Variants in SLC2A13 observed in about 807,000 individuals in gnomAD.
The protein encoded by SLC2A13 is proton myo-inositol cotransporter.
In SLC2A13, 32 loss-of-function variants were observed where a neutral mutation model predicts 64.4. That is an observed-to-expected ratio of 0.50 (90% confidence interval 0.37 to 0.67). SLC2A13 has a LOEUF of 0.67. Ranked by LOEUF, SLC2A13 falls within the 30% of genes least tolerant of loss-of-function variation. The probability of loss-of-function intolerance (pLI) is 0.00; values close to 1 mark genes in which losing one functional copy is unlikely to be tolerated. For missense variants in SLC2A13, 743 were observed against 829.2 expected (o/e 0.90, Z 1.28); for synonymous variants, 338 against 327.1 (o/e 1.03, Z -0.36).
chr12:40,101,586 A>C (rs747374236), intron 1 of SLC2A13, among the ~76,000 whole-genome samples: 1 of 152,218 alleles, frequency 6.6e-6, no homozygotes, highest in Non-Finnish European at 1.5e-5. Context: ...CTCACATCTC[A>C]GATTCAAGAG....
rs182996786 is a variant in SLC2A13, at chr12:39,761,088, T to C, written c.1721-836A>G. ...TTTAGGCTTTCAGTCCAGACCATCA[T>C]GTGTATGAGATGGGGGAAGTAAGAT... On this transcript the variant is annotated intron_variant, in intron 9 of 9. Transcript: ENST00000280871. Among the ~76,000 whole-genome samples, 3 of 152,092 alleles carry C rather than the reference T, an allele frequency of 2.0e-5. No individual in the cohort carries two copies. The East Asian group carries it at 5.8e-4, about 30-fold the overall frequency.
chr12:39,955,700 C>T (rs1472672139), intron 3 of SLC2A13, among the ~76,000 whole-genome samples: 1 of 151,914 alleles, frequency 6.6e-6, no homozygotes, highest in Non-Finnish European at 1.5e-5. Context: ...CTAGATCATC[C>T]AGGTTTTCCC....
intron 4 of SLC2A13, among the ~76,000 whole-genome samples, chr12:39,895,514 TTATA>T (rs777418112): frequency 0.045 from 2,527 of 56,420 alleles, 118 homozygotes; most frequent in Middle Eastern, 0.054. Flanking sequence ...AAAAAAAAAA[TTATA>T]TATATATATA....
chr12:40,105,725 C>T lies in SLC2A13; in HGVS notation c.84G>A (p.Pro28=), dbSNP rs1939289636. 2.0e-6 allele frequency: 3 copies of T among 1,481,902 alleles called. No homozygotes were observed. The highest frequency in any genetic ancestry group is 2.7e-6 in the Non-Finnish European group (3 of 1,116,684). 91.8% of individuals were successfully genotyped at this position (1,481,902 alleles called of 1,614,324 possible). Residue 28 remains proline, a synonymous_variant, in exon 1 of 10, where the codon CCG becomes CCA. Coordinates refer to ENST00000280871, the MANE Select transcript of SLC2A13 (RefSeq NM_052885.4). This position sits in a 1 kb window ranked among gnomAD's most constrained non-coding sequence, Gnocchi z 4.2. The part of the protein sequence containing the change: ...SLMGERRRKQ[P]EPDAASAAGE... ...CGGCCGCGCTCGCCGCGTCCGGCTC[C>T]GGCTGCTTCCTGCGCCGCTCGCCCA... is the stretch of plus-strand genomic sequence containing the variant.
chr12:39,834,670 G>A (rs749424100), intron 6 of SLC2A13, among the ~76,000 whole-genome samples: 66 of 152,002 alleles, frequency 4.3e-4, no homozygotes, highest in Non-Finnish European at 8.8e-4. Context: ...GGGGCTCGGT[G>A]TGGGAACTGT....
rs184385268 is a variant in SLC2A13, at chr12:40,028,170, A to C, written c.925+131T>G. Reference sequence around the variant, plus strand: ...TTTTATATATGGATATTTTTGTATAAATATAAATATCCATATTTATACATA... The same window carrying C: ...TTTTATATATGGATATTTTTGTATACATATAAATATCCATATTTATACATA... On this transcript the variant is annotated intron_variant, in intron 3 of 9. Transcript: ENST00000280871. 529 of 429,334 alleles carry C rather than the reference A, an allele frequency of 1.2e-3. 1 individual carries two copies. The highest frequency in any genetic ancestry group is 1.3e-3 in the South Asian group (13 of 10,042). The allele number at this position is 429,334 out of a possible 1,614,324, so 26.6% of individuals were successfully genotyped here. A position where few individuals can be genotyped will look rare whatever the true frequency, so the allele number is the denominator to read the frequency against.
intron 6 of SLC2A13, among the ~76,000 whole-genome samples, chr12:39,843,220 C>T (rs573360291): frequency 6.6e-6 from 1 of 152,106 alleles, no homozygotes; most frequent in South Asian, 2.1e-4. Context: ...TTTGTGCACA[C>T]TTTTTCGTAC....
intron 3 of SLC2A13, among the ~76,000 whole-genome samples, chr12:39,953,857 AGGT>A (rs1946273660): frequency 6.6e-6 from 1 of 152,202 alleles, no homozygotes; most frequent in Admixed American, 6.5e-5. Context: ...AAGGTTGTCC[AGGT>A]GGCAGAGGCT....
At chr12:39,909,905 C>A (rs572286834) in intron 4 of SLC2A13, among the ~76,000 whole-genome samples, 30 of 150,868 alleles carry the variant, frequency 2.0e-4, no homozygotes, top group Non-Finnish European at 2.8e-4. Context: ...GTGTGCCTCC[C>A]TGGATACACA....
chr12:40,037,122 A>G (rs1278718030), intron 2 of SLC2A13, among the ~76,000 whole-genome samples: 1 of 152,112 alleles, frequency 6.6e-6, no homozygotes, highest in Non-Finnish European at 1.5e-5. Context: ...TGCTTGGTTC[A>G]GTTTTATTAA....
intron 5 of SLC2A13, 120 bp from the exon 6 acceptor site, chr12:39,865,002 A>T (rs1943869542): frequency 2.3e-6 from 2 of 874,630 alleles, no homozygotes; most frequent in African/African-American, 1.7e-5. Flanking sequence ...AAAAAAAAAT[A>T]CCGTGCTCTA....
At chr12:39,766,431 T>G (rs1940351764) in intron 7 of SLC2A13, among the ~76,000 whole-genome samples, 1 of 152,100 alleles carries the variant, frequency 6.6e-6, no homozygotes, top group African/African-American at 2.4e-5. Flanking sequence ...AACGATCATC[T>G]GCACCTTTCA....
At chr12:40,039,451 C>T (rs1387201520) in intron 2 of SLC2A13, among the ~76,000 whole-genome samples, 6 of 152,034 alleles carry the variant, frequency 3.9e-5, no homozygotes, top group Non-Finnish European at 7.4e-5. Flanking sequence ...CTATTTGTGC[C>T]ATCTCTTATT....
chr12:40,065,842 G>A (rs185360175), intron 1 of SLC2A13, among the ~76,000 whole-genome samples: 87 of 152,230 alleles, frequency 5.7e-4, no homozygotes, highest in African/African-American at 2.0e-3. Flanking sequence ...TTATTTCAAA[G>A]TCTCACAAAA....
chr12:40,034,063 T>C (rs937198606), intron 2 of SLC2A13, among the ~76,000 whole-genome samples: 2 of 152,230 alleles, frequency 1.3e-5, no homozygotes, highest in Non-Finnish European at 2.9e-5. Context: ...AAGATCTATA[T>C]GATCTGTGGT....
intron 4 of SLC2A13, among the ~76,000 whole-genome samples, chr12:39,901,961 G>T (rs1200383952): frequency 1.3e-5 from 2 of 152,084 alleles, no homozygotes; most frequent in Admixed American, 1.3e-4. Context: ...ATCAATGATA[G>T]ACTGGATTAA....
intron 1 of SLC2A13, among the ~76,000 whole-genome samples, chr12:40,104,641 A>T (rs1296773107): frequency 1.3e-5 from 2 of 152,256 alleles, no homozygotes; most frequent in African/African-American, 4.8e-5. Context: ...TACTTGGGAA[A>T]AGAATGAAAG....
chr12:39,824,762 G>C (rs1218184945), intron 7 of SLC2A13, among the ~76,000 whole-genome samples: 2 of 152,106 alleles, frequency 1.3e-5, no homozygotes, highest in Non-Finnish European at 2.9e-5. Context: ...GGGAGTGCTA[G>C]AGGGCAGCAG....
intron 2 of SLC2A13, among the ~76,000 whole-genome samples, chr12:40,033,866 T>G (rs1030954973): frequency 3.3e-5 from 5 of 152,202 alleles, no homozygotes; most frequent in African/African-American, 1.2e-4. Context: ...GATCGAAAGT[T>G]GCTTTCTCTT....
Sources: gnomAD v4.1 joint callset for allele counts (sites outside exome capture counted in the v4.1 genomes callset) on GRCh38, gnomAD v4.1.1 for gene constraint, Gnocchi (gnomAD v3.1) non-coding constraint, MANE v1.5 for transcripts, NCBI Gene and HGNC (gene_info 2026-07-23, HGNC 2026-07-21) for gene names.